The following TRANK1 variants were observed in gnomAD, a reference collection of about 807,000 sequenced individuals.
The protein encoded by TRANK1 is TPR and ankyrin repeat-containing protein 1.
TRANK1 carries 198 observed loss-of-function variants against 266.0 expected under a neutral mutation model. That is an observed-to-expected ratio of 0.74 (90% confidence interval 0.66 to 0.84). The LOEUF is 0.84. Ranked by LOEUF, TRANK1 falls within the 40% of genes least tolerant of loss-of-function variation. The pLI is 0.00. For missense variants in TRANK1, 3,326 were observed against 3,634.6 expected (o/e 0.92, Z 2.18); for synonymous variants, 1,396 against 1,384.1 (o/e 1.01, Z -0.19).
intron 1 of TRANK1, among the ~76,000 whole-genome samples, chr3:36,920,158 G>T (rs1280613766): frequency 6.6e-6 from 1 of 152,296 alleles, no homozygotes. Flanking sequence ...TAGTGACAGC[G>T]TGGTGCCAGG....
At chr3:36,905,085 G>A (rs1288256573) in intron 2 of TRANK1, among the ~76,000 whole-genome samples, 2 of 151,980 alleles carry the variant, frequency 1.3e-5, no homozygotes, top group East Asian at 1.9e-4. Flanking sequence ...TCAGGAGATC[G>A]AGACCATCCC....
chr3:36,877,421 T>G (rs1023195332), intron 8 of TRANK1, among the ~76,000 whole-genome samples: 1 of 152,206 alleles, frequency 6.6e-6, no homozygotes, highest in African/African-American at 2.4e-5. Flanking sequence ...ATAAATAACA[T>G]GTACAGTTCC....
chr3:36,830,895 G>A lies in TRANK1; in HGVS notation c.8688C>T (p.Tyr2896=). ...TACCGCCAGCCCAGGCCTTCCGCCT[G>A]TAGAGGTCCTCCACCATATCCGAAA... is the stretch of plus-strand genomic sequence containing the variant. The part of the protein sequence containing the change: ...KRVSDMVEDL[Y]RRKAWAGAEE... The change falls in exon 22 of 24, where the codon TAC becomes TAT. Residue 2896 remains tyrosine, a synonymous_variant. Coordinates refer to ENST00000645898, the MANE Select transcript of TRANK1 (RefSeq NM_001329998.2). 1 of 1,610,220 alleles carries A rather than the reference G, an allele frequency of 6.2e-7. No homozygotes were observed. Among genetic ancestry groups the A allele is most frequent in the Non-Finnish European group, 8.5e-7 (1 of 1,177,144 alleles).
At chr3:36,878,742 A>C (rs913439329) in intron 8 of TRANK1, among the ~76,000 whole-genome samples, 3 of 151,204 alleles carry the variant, frequency 2.0e-5, no homozygotes, top group Non-Finnish European at 2.9e-5. Context: ...ATAAACCTGC[A>C]AAAGTACCCC....
intron 9 of TRANK1, among the ~76,000 whole-genome samples, chr3:36,865,326 T>A (rs938468377): frequency 4.6e-5 from 7 of 151,886 alleles, no homozygotes; most frequent in Admixed American, 1.3e-4. Context: ...ACACCCAGCA[T>A]GCTTCTTGTT....
At position 36,899,257 on chromosome 3, in the gene TRANK1, T is replaced by G. The variant is rs1311070732; in HGVS notation, c.285A>C (p.Gly95=). ...CLQWDPTYVK[G]YYRAGYSLLR... is the part of the protein sequence containing the mutation. The stretch of plus-strand genomic sequence containing the variant: ...GCAAGGAATAACCAGCTCGGTAGTA[T>G]CCCTGGAACAGGATAAAAAGCAAAA... The change falls in exon 4 of 24, where the codon GGA becomes GGC. Residue 95 remains glycine (G), a splice_region_variant and synonymous_variant. Transcript: ENST00000645898. 1.3e-6 allele frequency: 2 copies of G among 1,536,760 alleles called. No homozygotes were observed. Among genetic ancestry groups the G allele is most frequent in the Admixed American group, 3.9e-5 (2 of 50,824 alleles).
At chr3:36,944,377 C>G (rs1006835015) in intron 1 of TRANK1, among the ~76,000 whole-genome samples, 1 of 152,216 alleles carries the variant, frequency 6.6e-6, no homozygotes, top group Non-Finnish European at 1.5e-5. Flanking sequence ...CCGCTGTGCT[C>G]CGCTCCCAGG....
At chr3:36,944,668 G>A in intron 1 of TRANK1, 119 bp downstream of exon 1, 1 of 1,216,466 alleles carries the variant, frequency 8.2e-7, no homozygotes, top group Non-Finnish European at 1.1e-6. Context: ...ATGGCCGGGC[G>A]GGCCCGTTCG....
chr3:36,878,012 C>T (rs2079414385), intron 8 of TRANK1, among the ~76,000 whole-genome samples: 1 of 150,422 alleles, frequency 6.6e-6, no homozygotes, highest in South Asian at 2.1e-4. Context: ...ACATGCGAGT[C>T]AATAGTTTAG....
intron 1 of TRANK1, among the ~76,000 whole-genome samples, chr3:36,923,535 T>C (rs374514776): frequency 1.2e-4 from 19 of 152,062 alleles, no homozygotes; most frequent in South Asian, 4.2e-4. Context: ...GGATTACAGG[T>C]GTGAGCCACC....
At position 36,864,455 on chromosome 3, in the gene TRANK1, A is replaced by G. The variant is rs2125557986; in HGVS notation, c.1104T>C (p.Thr368=). The change falls in exon 10 of 24, where the codon ACT becomes ACC. Residue 368 remains threonine, a synonymous_variant. Transcript: ENST00000645898. The part of the protein sequence containing the change: ...LSGFSNGDGP[T]SENDIFRKVL... ...CCTTCCTGAAAATGTCGTTTTCACTAGTGGGTCCATCACCATTGCTGAATC... is the reference window on the plus strand; with the variant it reads ...CCTTCCTGAAAATGTCGTTTTCACTGGTGGGTCCATCACCATTGCTGAATC... The G allele has an allele frequency of 6.5e-7, 1 of 1,536,132 alleles. No homozygotes were observed. Among genetic ancestry groups the G allele is most frequent in the Non-Finnish European group, 8.7e-7 (1 of 1,146,588 alleles).
chr3:36,891,345 A>G (rs1395250193), intron 7 of TRANK1, among the ~76,000 whole-genome samples: 1 of 152,158 alleles, frequency 6.6e-6, no homozygotes, highest in African/African-American at 2.4e-5. Context: ...TCAGTCTCAA[A>G]AAAAAAATCT....
At chr3:36,928,419 C>T (rs1458949997) in intron 1 of TRANK1, among the ~76,000 whole-genome samples, 1 of 152,200 alleles carries the variant, frequency 6.6e-6, no homozygotes, top group Non-Finnish European at 1.5e-5. Flanking sequence ...ACTCACCACA[C>T]ACTGACTCAC....
intron 8 of TRANK1, among the ~76,000 whole-genome samples, chr3:36,877,581 T>C (rs1429522914): frequency 6.6e-6 from 1 of 152,168 alleles, no homozygotes; most frequent in Non-Finnish European, 1.5e-5. Flanking sequence ...GTATGAGTTG[T>C]TAAAAAAATG....
Position 36,857,820 on chromosome 3 carries a change from C to T in TRANK1, c.1902G>A (p.Arg634=). The change falls in exon 13 of 24, where the codon CGG becomes CGA. Residue 634 remains arginine (R), a synonymous_variant. Coordinates refer to ENST00000645898, the MANE Select transcript of TRANK1 (RefSeq NM_001329998.2). This position sits in a 1 kb window ranked among gnomAD's most constrained non-coding sequence, Gnocchi z 4.3. ...AGAGCAGAGAGTCGTTCTTCTTAATCCGGTGCCGTGCATCTTTGCCCTCTT... is the reference window on the plus strand; with the variant it reads ...AGAGCAGAGAGTCGTTCTTCTTAATTCGGTGCCGTGCATCTTTGCCCTCTT... ...KNKEGKDARH[R]IKKNDSLLLA... is the part of the protein sequence containing the mutation. 1.2e-6 allele frequency: 2 copies of T among 1,608,608 alleles called. No homozygotes were observed. Among genetic ancestry groups the T allele is most frequent in the Non-Finnish European group, 1.7e-6 (2 of 1,177,090 alleles).
chr3:36,930,065 C>T (rs115686541), intron 1 of TRANK1, among the ~76,000 whole-genome samples: 1,926 of 152,148 alleles, frequency 0.013, 47 homozygotes, highest in African/African-American at 0.044. Context: ...TTAGTAAAGA[C>T]GGGGTTTCAC....
intron 1 of TRANK1, among the ~76,000 whole-genome samples, chr3:36,936,588 G>A (rs754344937): frequency 5.9e-5 from 9 of 152,044 alleles, no homozygotes; most frequent in South Asian, 2.1e-4. Context: ...TACCAACTAC[G>A]CCCCAATAAT....
chr3:36,828,988 G>A (rs2125566375), intron 23 of TRANK1, among the ~76,000 whole-genome samples: 1 of 152,200 alleles, frequency 6.6e-6, no homozygotes, highest in African/African-American at 2.4e-5. Flanking sequence ...GGCTGGAATG[G>A]GCAAAAGAAA....
intron 1 of TRANK1, among the ~76,000 whole-genome samples, chr3:36,942,887 A>G (rs996047187): frequency 2.6e-5 from 4 of 151,834 alleles, no homozygotes; most frequent in Non-Finnish European, 5.9e-5. Flanking sequence ...AAAAAAAAAA[A>G]AAACATAGAA....
Sources: allele counts gnomAD v4.1 joint callset (sites outside exome capture counted in the v4.1 genomes callset), GRCh38; gene constraint gnomAD v4.1.1; non-coding constraint Gnocchi (gnomAD v3.1); transcripts MANE v1.5; gene names NCBI Gene and HGNC (gene_info 2026-07-23, HGNC 2026-07-21).